Variants in PRKN observed in about 807,000 individuals in gnomAD.
The protein encoded by PRKN is E3 ubiquitin-protein ligase parkin.
A neutral mutation model predicts 59.5 loss-of-function variants in PRKN; 56 were observed. That is an observed-to-expected ratio of 0.94 (90% CI 0.76 to 1.18). The LOEUF (loss-of-function observed/expected upper bound fraction) is 1.18. Among genes scored for constraint, PRKN ranks in the 50% most tolerant of loss-of-function variants. The pLI, the probability that PRKN is intolerant of heterozygous loss-of-function variation, is 0.00. For synonymous variants in PRKN, 250 were observed against 222.1 expected, an observed-to-expected ratio of 1.13 and a Z score of -1.12; for missense variants, 657 against 596.4, an observed-to-expected ratio of 1.10 and a Z score of -1.06.
At chr6:161,827,651 G>A (rs1792302553) in intron 6 of PRKN, among the ~76,000 whole-genome samples, 1 of 151,724 alleles carries the variant, frequency 6.6e-6, no homozygotes, top group Admixed American at 6.6e-5. Context: ...GGGACTACAG[G>A]TGTGTGCCAC....
At chr6:162,702,961 ATT>A (rs981919949) in intron 1 of PRKN, among the ~76,000 whole-genome samples, 1 of 152,158 alleles carries the variant, frequency 6.6e-6, no homozygotes, top group African/African-American at 2.4e-5. Context: ...TTTTAAAGTT[ATT>A]TAGGCAAAAA....
chr6:161,483,839 T>C lies in PRKN; in HGVS notation c.1083+65015A>G, dbSNP rs1378106337. ...GGTCCATATATATCATGGAATACTA[T>C]GCAACCATAAAAAGGAACAAGACCA... is the stretch of plus-strand genomic sequence containing the variant. On this transcript the variant is annotated intron_variant, in intron 9 of 11. Transcript: ENST00000366898. This position sits in a 1 kb window ranked among gnomAD's most constrained non-coding sequence, Gnocchi z 5.0. Among the ~76,000 whole-genome samples the C allele has an allele frequency of 6.6e-6, 1 of 152,190 alleles. No individual in the cohort carries two copies. Among genetic ancestry groups the C allele is most frequent in the Non-Finnish European group, 1.5e-5 (1 of 68,034 alleles).
chr6:162,069,896 T>C (rs953223388), intron 4 of PRKN, among the ~76,000 whole-genome samples: 6 of 152,194 alleles, frequency 3.9e-5, no homozygotes, highest in African/African-American at 4.8e-5. Flanking sequence ...CTTTATATGG[T>C]ATACAGGACG....
At chr6:162,475,668 G>A (rs564673640) in intron 1 of PRKN, among the ~76,000 whole-genome samples, 3 of 152,086 alleles carry the variant, frequency 2.0e-5, no homozygotes, top group African/African-American at 2.4e-5. Context: ...TGTGCAATGC[G>A]GCTAGCTGCG....
intron 9 of PRKN, among the ~76,000 whole-genome samples, chr6:161,534,533 TG>T (rs1779341848): frequency 6.6e-6 from 1 of 152,236 alleles, no homozygotes; most frequent in Admixed American, 6.5e-5. Context: ...CTATGAGATG[TG>T]TTCAAGGTGA....
At chr6:162,380,421 ATATATATGTG>A (rs1786376329) in intron 2 of PRKN, among the ~76,000 whole-genome samples, 1 of 132,328 alleles carries the variant, frequency 7.6e-6, no homozygotes, top group African/African-American at 2.9e-5. Context: ...ATACACACAT[ATATATATGTG>A]TGTATATATA....
intron 7 of PRKN, among the ~76,000 whole-genome samples, chr6:161,780,666 A>G (rs1342425572): frequency 6.6e-6 from 1 of 152,240 alleles, no homozygotes; most frequent in Non-Finnish European, 1.5e-5. Flanking sequence ...AACATGAGGA[A>G]AATGAGAAAA....
intron 2 of PRKN, among the ~76,000 whole-genome samples, chr6:162,370,165 C>T (rs983936500): frequency 6.6e-6 from 1 of 152,240 alleles, no homozygotes; most frequent in Non-Finnish European, 1.5e-5. Flanking sequence ...TTGATGTGAT[C>T]GTCAGCTCTT....
chr6:162,662,077 T>C (rs1293710958), intron 1 of PRKN, among the ~76,000 whole-genome samples: 3 of 151,888 alleles, frequency 2.0e-5, no homozygotes, highest in Admixed American at 2.0e-4. Flanking sequence ...GCAATAAACA[T>C]ATGAATGAAG....
chr6:162,024,398 T>C (rs1582913694), intron 5 of PRKN, among the ~76,000 whole-genome samples: 1 of 152,166 alleles, frequency 6.6e-6, no homozygotes, highest in African/African-American at 2.4e-5. Context: ...GGTTTTGCTA[T>C]GTTGGTCAGG....
At chr6:162,104,609 A>AAAT (rs10691379) in intron 4 of PRKN, among the ~76,000 whole-genome samples, 15,514 of 152,116 alleles carry the variant, frequency 0.1, 1,465 homozygotes, top group African/African-American at 0.25. Flanking sequence ...ATTAATAAAT[A>AAAT]AATAAGAATG....
At chr6:161,918,880 AG>A (rs1778675684) in intron 6 of PRKN, among the ~76,000 whole-genome samples, 1 of 152,184 alleles carries the variant, frequency 6.6e-6, no homozygotes, top group African/African-American at 2.4e-5. Flanking sequence ...AGTGTCGGTG[AG>A]GAAGTAGAGA....
At position 161,388,795 on chromosome 6, in the gene PRKN, G is replaced by A. The variant is rs146982966; in HGVS notation, c.1084-1918C>T. On this transcript the variant is annotated intron_variant, in intron 9 of 11. Coordinates refer to ENST00000366898, the MANE Select transcript of PRKN (RefSeq NM_004562.3). The surrounding 1 kb of genome is among the most constrained non-coding windows in gnomAD (Gnocchi z 4.3). ...GGAGCCCCACATGGAGAAGAGCTGC[G>A]GCCTCAGCCGCAACAATAGCCCTGT... 2.1e-4 allele frequency among the ~76,000 whole-genome samples: 32 copies of A among 152,308 alleles called. No individual in the cohort carries two copies. Among genetic ancestry groups the A allele is most frequent in the African/African-American group, 7.5e-4 (31 of 41,568 alleles).
chr6:162,387,587 G>C (rs1427382840), intron 2 of PRKN, among the ~76,000 whole-genome samples: 3 of 149,924 alleles, frequency 2.0e-5, no homozygotes, highest in Non-Finnish European at 4.4e-5. Context: ...GAGAGAGAGA[G>C]AGAGAGAGAG....
chr6:161,437,449 C>A (rs371438331), intron 9 of PRKN, among the ~76,000 whole-genome samples: 8 of 152,134 alleles, frequency 5.3e-5, no homozygotes, highest in Admixed American at 5.2e-4. Context: ...TTAATATCTT[C>A]GGGCCTCGGT....
chr6:161,597,508 A>T (rs1781957305), intron 7 of PRKN, among the ~76,000 whole-genome samples: 1 of 152,182 alleles, frequency 6.6e-6, no homozygotes, highest in South Asian at 2.1e-4. Context: ...CCATTCACTT[A>T]CCCAGGGGTG....
At chr6:162,093,478 T>C (rs1779595848) in intron 4 of PRKN, among the ~76,000 whole-genome samples, 1 of 152,134 alleles carries the variant, frequency 6.6e-6, no homozygotes, top group Admixed American at 6.6e-5. Flanking sequence ...TTTAACACCT[T>C]GCCAGTAAAA....
At chr6:161,683,003 G>C (rs1785427406) in intron 7 of PRKN, among the ~76,000 whole-genome samples, 1 of 152,178 alleles carries the variant, frequency 6.6e-6, no homozygotes, top group African/African-American at 2.4e-5. Flanking sequence ...GGTGGTGAGG[G>C]CTCCTCACAT....
chr6:162,446,569 T>C (rs1583585692), intron 1 of PRKN, among the ~76,000 whole-genome samples: 1 of 152,338 alleles, frequency 6.6e-6, no homozygotes, highest in East Asian at 1.9e-4. Context: ...AGATAAATCA[T>C]AAATACTACG....
Sources: gnomAD v4.1 joint callset for allele counts (sites outside exome capture counted in the v4.1 genomes callset) on GRCh38, gnomAD v4.1.1 for gene constraint, Gnocchi (gnomAD v3.1) non-coding constraint, MANE v1.5 for transcripts, NCBI Gene and HGNC (gene_info 2026-07-23, HGNC 2026-07-21) for gene names.